Variants in NCKAP1 observed in about 807,000 individuals in gnomAD.
NCKAP1 encodes the protein nck-associated protein 1.
In NCKAP1, 21 loss-of-function variants were observed where a neutral mutation model predicts 151.2. The ratio of observed to expected loss-of-function variants is 0.14; its 90% confidence interval spans 0.10 to 0.20. The LOEUF is 0.20. Ranked by LOEUF, NCKAP1 falls within the 10% of genes least tolerant of loss-of-function variation. The probability of loss-of-function intolerance (pLI) is 1.00; values close to 1 mark genes in which losing one functional copy is unlikely to be tolerated. For missense variants in NCKAP1, 933 were observed against 1,352.1 expected, an observed-to-expected ratio of 0.69 and a Z score of 4.86; for synonymous variants, 484 against 451.8, an observed-to-expected ratio of 1.07 and a Z score of -0.90.
In NCKAP1 at chr2:183,038,210, CT is replaced by C; in HGVS notation, c.-112del. 1 of 686,648 alleles carries C rather than the reference CT, an allele frequency of 1.5e-6. No individual in the cohort carries two copies. The highest frequency in any genetic ancestry group is 2.2e-6 in the Non-Finnish European group (1 of 453,870). The allele number at this position is 686,648 out of a possible 1,614,324, so 42.5% of individuals were successfully genotyped here. A position where few individuals can be genotyped will look rare whatever the true frequency, so the allele number is the denominator to read the frequency against. On this transcript the variant is annotated 5_prime_UTR_variant, in exon 1 of 31. The change abolishes the stop of an existing upstream ORF in the 5' untranslated region. Coordinates refer to ENST00000361354, the MANE Select transcript of NCKAP1 (RefSeq NM_013436.5). ...CTCCCCTCCCGCCCGCGACCTCCGCCTTAGGAGAGCGCGCCCATGGCCCTCG... is the reference window on the plus strand; with the variant it reads ...CTCCCCTCCCGCCCGCGACCTCCGCCTAGGAGAGCGCGCCCATGGCCCTCG...
In NCKAP1 at chr2:182,930,696, C is replaced by T. The variant is rs376237061; in HGVS notation, c.2952G>A (p.Ser984=). ...TAAATATTTACTAATGCATTTTACC[C>T]GATTTTTGTGAAGAAAGAGCTACGA... ...ALVVALSSQK[S]ENISPEEEYK... is the part of the protein sequence containing the mutation. Residue 984 remains serine (S), a splice_region_variant and synonymous_variant, in exon 27 of 31, where the codon TCG becomes TCA. Transcript: ENST00000361354. 4.4e-5 allele frequency: 71 copies of T among 1,611,842 alleles called. No homozygotes were observed. Among genetic ancestry groups the T allele is most frequent in the Non-Finnish European group, 5.2e-5 (61 of 1,178,360 alleles).
rs1575054645 is a variant in NCKAP1 at position 182,995,620 on chromosome 2, C to T, written c.741+81G>A. The T allele has an allele frequency of 4.5e-6, 6 of 1,325,230 alleles. No homozygotes were observed. In the East Asian group the frequency reaches 1.2e-4, roughly 26 times the overall value. 82.1% of individuals were successfully genotyped at this position (1,325,230 alleles called of 1,614,324 possible). ...CTAATAAGCTAATGCTAATTAGAAA[C>T]AAACAGCAACAGCATTACTGAACTA... is the stretch of plus-strand genomic sequence containing the variant. On this transcript the variant is annotated intron_variant, in intron 7 of 30. Transcript: ENST00000361354.
chr2:183,002,926 T>G, intron 4 of NCKAP1, 48 bp downstream of exon 4: 1 of 1,427,966 alleles, frequency 7.0e-7, no homozygotes, highest in Non-Finnish European at 9.8e-7. Context: ...TCCCCTGAGC[T>G]CTTCTGGAAA....
chr2:182,935,166 G>A, intron 25 of NCKAP1, 127 bp downstream of exon 25: 2 of 716,558 alleles, frequency 2.8e-6, no homozygotes, highest in Middle Eastern at 3.7e-4. Flanking sequence ...GTTATTTTCT[G>A]TAACTACTAA....
chr2:182,979,226 T>A (rs1229193441), intron 13 of NCKAP1, among the ~76,000 whole-genome samples: 2 of 152,092 alleles, frequency 1.3e-5, no homozygotes, highest in Admixed American at 1.3e-4. Context: ...TGTCAGGGGC[T>A]TATGCAAGAA....
At chr2:182,992,376 T>A (rs1384348152) in intron 8 of NCKAP1, among the ~76,000 whole-genome samples, 1 of 152,180 alleles carries the variant, frequency 6.6e-6, no homozygotes, top group African/African-American at 2.4e-5. Flanking sequence ...ATATTCCCCA[T>A]TAGGGGAGCC....
intron 20 of NCKAP1, 36 bp downstream of exon 20, chr2:182,956,426 A>T: frequency 6.3e-7 from 1 of 1,588,956 alleles, no homozygotes; most frequent in Non-Finnish European, 8.6e-7. Context: ...CTCATTACTG[A>T]GTCAACAAAC....
At chr2:183,013,284 C>T (rs1438692316) in intron 2 of NCKAP1, among the ~76,000 whole-genome samples, 1 of 152,142 alleles carries the variant, frequency 6.6e-6, no homozygotes, top group East Asian at 1.9e-4. Flanking sequence ...CAGTAAGCCT[C>T]TCAAACTTAA....
intron 8 of NCKAP1, among the ~76,000 whole-genome samples, chr2:182,992,800 CAG>C (rs1257145533): frequency 6.6e-6 from 1 of 152,010 alleles, no homozygotes; most frequent in Non-Finnish European, 1.5e-5. Context: ...AGTATTGGAA[CAG>C]GGTATTTAGA....
At chr2:182,973,247 T>C (rs893520011) in intron 15 of NCKAP1, among the ~76,000 whole-genome samples, 12 of 151,804 alleles carry the variant, frequency 7.9e-5, no homozygotes, top group Non-Finnish European at 4.4e-5. Context: ...TCAGAAGAAA[T>C]GGATGGTAAC....
chr2:182,964,629 A>G (rs1253636875), intron 17 of NCKAP1, 47 bp downstream of exon 17: 2 of 1,450,848 alleles, frequency 1.4e-6, no homozygotes, highest in African/African-American at 2.9e-5. Flanking sequence ...GGTTTGATCT[A>G]GTTTACTTTG....
chr2:182,997,371 C>T (rs937888364), intron 6 of NCKAP1, among the ~76,000 whole-genome samples: 4 of 152,112 alleles, frequency 2.6e-5, no homozygotes, highest in Admixed American at 6.6e-5. Flanking sequence ...TTTTTATCAT[C>T]GTTTTAGTGC....
At chr2:182,961,487 C>A (rs551142663) in intron 18 of NCKAP1, among the ~76,000 whole-genome samples, 3 of 152,108 alleles carry the variant, frequency 2.0e-5, no homozygotes, top group Non-Finnish European at 4.4e-5. Flanking sequence ...GGACAAAAAA[C>A]CAACCACCAC....
intron 2 of NCKAP1, among the ~76,000 whole-genome samples, chr2:183,015,476 A>C (rs1349575571): frequency 6.6e-6 from 1 of 151,794 alleles, no homozygotes. Flanking sequence ...AGAGGAAAGT[A>C]GGCTCCAGGA....
intron 2 of NCKAP1, among the ~76,000 whole-genome samples, chr2:183,013,411 T>C (rs1182402583): frequency 6.6e-6 from 1 of 152,056 alleles, no homozygotes; most frequent in African/African-American, 2.4e-5. Flanking sequence ...TTGACATGAG[T>C]TCAGGCCAAA....
At chr2:183,009,639 T>C (rs1698554551) in intron 2 of NCKAP1, among the ~76,000 whole-genome samples, 1 of 152,216 alleles carries the variant, frequency 6.6e-6, no homozygotes, top group Admixed American at 6.5e-5. Context: ...AAAATACGCA[T>C]AAAATTTGCC....
intron 26 of NCKAP1, among the ~76,000 whole-genome samples, chr2:182,932,000 T>C (rs1696776294): frequency 6.6e-6 from 1 of 151,936 alleles, no homozygotes; most frequent in Admixed American, 6.6e-5. Context: ...GCAGAAAAAA[T>C]GAAACCCTCA....
intron 8 of NCKAP1, among the ~76,000 whole-genome samples, chr2:182,992,409 C>G (rs1163770643): frequency 2.0e-5 from 3 of 152,210 alleles, no homozygotes; most frequent in Non-Finnish European, 4.4e-5. Context: ...GACTTACCGG[C>G]TCATTACACA....
chr2:183,000,532 C>T (rs1698356989), intron 6 of NCKAP1, among the ~76,000 whole-genome samples: 1 of 152,102 alleles, frequency 6.6e-6, no homozygotes, highest in South Asian at 2.1e-4. Flanking sequence ...AAAACCACTA[C>T]TGATATTAGA....
Sources: allele counts gnomAD v4.1 joint callset (sites outside exome capture counted in the v4.1 genomes callset), GRCh38; gene constraint gnomAD v4.1.1; transcripts MANE v1.5; gene names NCBI Gene and HGNC (gene_info 2026-07-23, HGNC 2026-07-21).